The following SATB1 variants were observed in gnomAD, a reference collection of about 807,000 sequenced individuals.
SATB1 encodes the protein SATB homeobox 1.
A neutral mutation model predicts 86.9 loss-of-function variants in SATB1; 11 were observed. The observed-to-expected ratio is 0.13, with a 90% CI of 0.08 to 0.21. The LOEUF (loss-of-function observed/expected upper bound fraction) is 0.21, where lower values mean the gene tolerates loss of function less well. Among genes scored for constraint, SATB1 ranks in the 10% least tolerant of loss-of-function variants. The pLI is 1.00. For missense variants in SATB1, 551 were observed against 937.6 expected, an observed-to-expected ratio of 0.59 and a Z score of 5.39; for synonymous variants, 357 against 357.2, an observed-to-expected ratio of 1.00 and a Z score of 0.01.
rs113322645 is a variant in SATB1, at chr3:18,360,525, AT to A, written c.1576-8331del. On this transcript the variant is annotated intron_variant, in intron 9 of 10. Coordinates refer to ENST00000338745, the MANE Select transcript of SATB1 (RefSeq NM_002971.6). ...CTCTAATGGGAAAGCCCTTTCTCCT[AT>A]TTTTTTTTTTGGTGCCCATTCAAAT... is the stretch of plus-strand genomic sequence containing the variant. Among the ~76,000 whole-genome samples the A allele has an allele frequency of 9.7e-3, 1,424 of 147,480 alleles. 27 individuals carry two copies. Among genetic ancestry groups the A allele is most frequent in the African/African-American group, 0.033 (1,319 of 40,198 alleles).
intron 1 of SATB1, among the ~76,000 whole-genome samples, chr3:18,423,026 T>A (rs992784500): frequency 5.3e-5 from 8 of 152,186 alleles, no homozygotes; most frequent in Non-Finnish European, 2.9e-5. Context: ...CAAAATTAAA[T>A]GCGCATAAAA....
chr3:18,345,455 T>C lies in SATB1; in HGVS notation c.*3715A>G, dbSNP rs1694005734. 1 of 152,158 alleles carries C rather than the reference T, an allele frequency of 6.6e-6. No homozygotes were observed. The allele number at this position is 152,158 out of a possible 1,614,324, so 9.4% of individuals were successfully genotyped here. ...GGTATAGTATTCAGGACATACACCT[T>C]CTACCACAATTTCTTTAATTAGGGT... On this transcript the variant is annotated 3_prime_UTR_variant, in exon 11 of 11. Coordinates refer to ENST00000338745, the MANE Select transcript of SATB1 (RefSeq NM_002971.6).
intron 9 of SATB1, among the ~76,000 whole-genome samples, chr3:18,363,501 T>C (rs1695024297): frequency 6.6e-6 from 1 of 152,064 alleles, no homozygotes; most frequent in Admixed American, 6.6e-5. Context: ...TCTCAATCAC[T>C]CCTCTGACCA....
chr3:18,385,995 G>T (rs1696325592), intron 8 of SATB1, among the ~76,000 whole-genome samples: 1 of 152,102 alleles, frequency 6.6e-6, no homozygotes, highest in South Asian at 2.1e-4. Context: ...GTACTGGAAA[G>T]TATAAATACA....
chr3:18,381,798 T>C (rs1286568046), intron 8 of SATB1, among the ~76,000 whole-genome samples: 2 of 152,286 alleles, frequency 1.3e-5, no homozygotes, highest in African/African-American at 4.8e-5. Context: ...AGAAATGTCC[T>C]CTTTTATGGA....
At chr3:18,379,310 T>C (rs1299333134) in intron 8 of SATB1, among the ~76,000 whole-genome samples, 1 of 152,192 alleles carries the variant, frequency 6.6e-6, no homozygotes, top group Non-Finnish European at 1.5e-5. Context: ...AAAATTTACA[T>C]AAAAACCATG....
intron 5 of SATB1, among the ~76,000 whole-genome samples, chr3:18,406,258 T>A (rs1014917331): frequency 1.3e-5 from 2 of 151,832 alleles, no homozygotes; most frequent in African/African-American, 4.8e-5. Flanking sequence ...TTAAATGGAG[T>A]CTCTTATGCC....
intron 9 of SATB1, among the ~76,000 whole-genome samples, chr3:18,368,551 A>T (rs1200826027): frequency 6.6e-6 from 1 of 152,186 alleles, no homozygotes; most frequent in Non-Finnish European, 1.5e-5. Flanking sequence ...CGACATGAGG[A>T]AACTACTAAG....
intron 5 of SATB1, among the ~76,000 whole-genome samples, chr3:18,408,132 C>T (rs1229057956): frequency 6.6e-6 from 1 of 151,930 alleles, no homozygotes; most frequent in South Asian, 2.1e-4. Context: ...ATTAGCATTT[C>T]TATGGGAAAA....
intron 2 of SATB1, among the ~76,000 whole-genome samples, chr3:18,418,992 T>C (rs1436320160): frequency 6.6e-6 from 1 of 152,186 alleles, no homozygotes; most frequent in African/African-American, 2.4e-5. Flanking sequence ...AACAAAAATG[T>C]ACACATTCAT....
rs534954932 is a variant in SATB1 at position 18,347,091 on chromosome 3, A to G, written c.*2079T>C. 7.1e-6 allele frequency: 1 copy of G among 140,260 alleles called. No individual in the cohort carries two copies. The highest frequency in any genetic ancestry group is 7.6e-5 in the Admixed American group (1 of 13,182). 8.7% of individuals were successfully genotyped at this position (140,260 alleles called of 1,614,324 possible). ...TTTAAAGCTTTATTGAAAGTTTTCA[A>G]TGATTCCACTTCAGTTTCTAAAGTA... On this transcript the variant is annotated 3_prime_UTR_variant, in exon 11 of 11. Coordinates refer to ENST00000338745, the MANE Select transcript of SATB1 (RefSeq NM_002971.6).
chr3:18,399,459 G>A (rs76831012), intron 5 of SATB1, among the ~76,000 whole-genome samples: 2,293 of 152,282 alleles, frequency 0.015, 21 homozygotes, highest in Non-Finnish European at 0.027. Flanking sequence ...TATAGGGGAC[G>A]ACGGAAGGAA....
At chr3:18,423,040 C>T (rs1481386800) in intron 1 of SATB1, among the ~76,000 whole-genome samples, 1 of 152,000 alleles carries the variant, frequency 6.6e-6, no homozygotes, top group African/African-American at 2.4e-5. Flanking sequence ...CATAAAACAC[C>T]CAATTTACTC....
At chr3:18,429,402 A>G (rs1426811227), upstream of SATB1, among the ~76,000 whole-genome samples, 2 of 152,250 alleles carry the variant, frequency 1.3e-5, no homozygotes, top group African/African-American at 4.8e-5. The surrounding 1 kb of genome is among the most constrained non-coding windows in gnomAD (Gnocchi z 4.1). Flanking sequence ...CTTCTCACAT[A>G]TTATCTGTGA....
intron 5 of SATB1, among the ~76,000 whole-genome samples, chr3:18,397,885 C>T (rs566299618): frequency 1.4e-4 from 22 of 152,210 alleles, no homozygotes; most frequent in Non-Finnish European, 2.5e-4. Context: ...TTAAAGTGGA[C>T]GCGCATTAAC....
intron 2 of SATB1, chr3:18,417,834 T>C (rs997888712): frequency 2.0e-5 from 11 of 563,226 alleles, no homozygotes; most frequent in Admixed American, 3.4e-5. Flanking sequence ...AAATGAGAGA[T>C]AGAAAAGGAA....
chr3:18,373,501 G>C (rs546107321), intron 9 of SATB1, among the ~76,000 whole-genome samples: 6 of 152,272 alleles, frequency 3.9e-5, no homozygotes, highest in African/African-American at 1.2e-4. Flanking sequence ...TGTCACTATA[G>C]ATCTATTTTC....
rs1304315501 is a variant in SATB1 at position 18,425,067 on chromosome 3, T to TGTCGCTGCCGCCGCC, written c.-1480_-1466dup. The TGTCGCTGCCGCCGCC allele has an allele frequency of 6.3e-6, 1 of 158,096 alleles. No homozygotes were observed. Among genetic ancestry groups the TGTCGCTGCCGCCGCC allele is most frequent in the Non-Finnish European group, 1.4e-5 (1 of 72,398 alleles). 9.8% of individuals were successfully genotyped at this position (158,096 alleles called of 1,614,324 possible). On this transcript the variant is annotated 5_prime_UTR_variant, in exon 1 of 11. Transcript: ENST00000338745. ...TTATTAGTTGACTCATCCCGGCCGC[T>TGTCGCTGCCGCCGCC]GTCGCTGCCGCCGCCGTGCCCCGCT...
At chr3:18,381,371 T>C (rs1169525362) in intron 8 of SATB1, among the ~76,000 whole-genome samples, 2 of 152,224 alleles carry the variant, frequency 1.3e-5, no homozygotes, top group African/African-American at 2.4e-5. Context: ...GTTTTAATAA[T>C]TGTGATAATA....
Sources: gnomAD v4.1 joint callset for allele counts (sites outside exome capture counted in the v4.1 genomes callset) on GRCh38, gnomAD v4.1.1 for gene constraint, Gnocchi (gnomAD v3.1) non-coding constraint, MANE v1.5 for transcripts, NCBI Gene and HGNC (gene_info 2026-07-23, HGNC 2026-07-21) for gene names.